The following ZBTB26 variants were observed in gnomAD, a reference collection of about 807,000 sequenced individuals.
ZBTB26 encodes the protein zinc finger and BTB domain containing 26.
Under a neutral mutation model 31.6 loss-of-function variants are expected in ZBTB26, and 12 were observed. The ratio of observed to expected loss-of-function variants is 0.38; its 90% CI spans 0.24 to 0.61. The LOEUF (loss-of-function observed/expected upper bound fraction) is 0.61, where lower values mean the gene tolerates loss of function less well. Among genes scored for constraint, ZBTB26 ranks in the 20% least tolerant of loss-of-function variants. The pLI, the probability that ZBTB26 is intolerant of heterozygous loss-of-function variation, is 0.60. For missense variants in ZBTB26, 311 were observed against 521.9 expected (o/e 0.60, Z 3.94); for synonymous variants, 155 against 182.9 (o/e 0.85, Z 1.23).
intron 1 of ZBTB26, among the ~76,000 whole-genome samples, chr9:122,927,172 T>C (rs1006849893): frequency 6.6e-5 from 10 of 152,222 alleles, no homozygotes; most frequent in Non-Finnish European, 1.5e-4. Flanking sequence ...TACTGTTGAG[T>C]TTCTATTAGC....
chr9:122,918,731 A>G lies in ZBTB26; in HGVS notation c.1204T>C (p.Cys402Arg), dbSNP rs772582747. The G allele has an allele frequency of 3.1e-6, 5 of 1,614,090 alleles. No homozygotes were observed. The highest frequency in any genetic ancestry group is 4.2e-6 in the Non-Finnish European group (5 of 1,180,032). Reference sequence around the variant, plus strand: ...CCTTTAGAGTCTGTGACTGTTGTACATGCAAAAGAATCAAAATCCACTGTG... The same window carrying G: ...CCTTTAGAGTCTGTGACTGTTGTACGTGCAAAAGAATCAAAATCCACTGTG... ...DLTVDFDSFA[C>R]TTVTDSKGCQ... The change falls in exon 2 of 2, where the codon TGT becomes CGT. Residue 402 changes from cysteine to arginine, a missense_variant. Physicochemically the swap from Cys to Arg is radical, Grantham distance 180. Coordinates refer to ENST00000373656, the MANE Select transcript of ZBTB26 (RefSeq NM_020924.4).
Position 122,918,796 on chromosome 9 carries a change from T to C in ZBTB26, c.1139A>G (p.Asn380Ser). The C allele has an allele frequency of 1.9e-6, 3 of 1,614,178 alleles. No homozygotes were observed. The highest frequency in any genetic ancestry group is 1.1e-5 in the South Asian group (1 of 91,086). Residue 380 changes from asparagine to serine, a missense_variant, in exon 2 of 2, where the codon AAC (asparagine) becomes AGC (serine). Coordinates refer to ENST00000373656, the MANE Select transcript of ZBTB26 (RefSeq NM_020924.4). ...TCTCTCATTGGCATTATCAAAGCTGTTTTTGCCATGCAGCTGTTTAAGGTG... is the reference window on the plus strand; with the variant it reads ...TCTCTCATTGGCATTATCAAAGCTGCTTTTGCCATGCAGCTGTTTAAGGTG... ...RKHLKQLHGKNSFDNANERNV... is the reference protein window; with the variant it reads ...RKHLKQLHGKSSFDNANERNV...
intron 1 of ZBTB26, chr9:122,931,037 C>G (rs990313072): frequency 3.3e-5 from 5 of 152,216 alleles, no homozygotes; most frequent in African/African-American, 1.2e-4. Context: ...GGGGAAAACC[C>G]CAGCAAAAGG....
chr9:122,928,948 T>C (rs890510442), intron 1 of ZBTB26, among the ~76,000 whole-genome samples: 2 of 152,132 alleles, frequency 1.3e-5, no homozygotes, highest in African/African-American at 4.8e-5. Flanking sequence ...ACAACAATAA[T>C]ATGGATGGAG....
At position 122,916,443 on chromosome 9, in the gene ZBTB26, C is replaced by T. The variant is rs1377903958; in HGVS notation, c.*2166G>A. The T allele has an allele frequency of 6.6e-6, 1 of 152,160 alleles. No individual in the cohort carries two copies. Among genetic ancestry groups the T allele is most frequent in the Admixed American group, 6.5e-5 (1 of 15,276 alleles). The allele number at this position is 152,160 out of a possible 1,614,324, so 9.4% of individuals were successfully genotyped here. ...ACTGAATGAACCCAGAAATAGTCTC[C>T]AACCAAAGAGACCAATCTTATTTGA... On this transcript the variant is annotated 3_prime_UTR_variant, in exon 2 of 2. Transcript: ENST00000373656.
intron 1 of ZBTB26, among the ~76,000 whole-genome samples, chr9:122,921,453 GAC>G (rs1265492970): frequency 3.9e-5 from 6 of 152,312 alleles, no homozygotes; most frequent in Admixed American, 6.5e-5. Context: ...AGTCAGATGA[GAC>G]AACCAGCTTC....
chr9:122,922,775 G>A (rs1048029836), intron 1 of ZBTB26, among the ~76,000 whole-genome samples: 1 of 152,176 alleles, frequency 6.6e-6, no homozygotes, highest in Admixed American at 6.5e-5. Context: ...GGAATAAGAC[G>A]AAAGGAAAAA....
At chr9:122,924,158 T>G (rs902092038) in intron 1 of ZBTB26, among the ~76,000 whole-genome samples, 4 of 152,238 alleles carry the variant, frequency 2.6e-5, no homozygotes, top group Admixed American at 6.5e-5. Context: ...TATCCATCAG[T>G]TCTCAAGAAA....
At chr9:122,926,525 A>T (rs926619312) in intron 1 of ZBTB26, among the ~76,000 whole-genome samples, 2 of 152,006 alleles carry the variant, frequency 1.3e-5, no homozygotes, top group African/African-American at 4.8e-5. Context: ...AAAAAAAAAA[A>T]ATTGTGTAAC....
intron 1 of ZBTB26, among the ~76,000 whole-genome samples, chr9:122,925,765 ATTTTTTTT>A (rs59850053): frequency 9.6e-6 from 1 of 103,946 alleles, no homozygotes; most frequent in Non-Finnish European, 1.8e-5. Flanking sequence ...TGCCCAGCTA[ATTTTTTTT>A]TTTTTTTTTT....
At chr9:122,926,520 A>T (rs939109116) in intron 1 of ZBTB26, among the ~76,000 whole-genome samples, 21 of 150,400 alleles carry the variant, frequency 1.4e-4, no homozygotes, top group African/African-American at 5.2e-4. Context: ...AAAAAAAAAA[A>T]AAAAAATTGT....
chr9:122,917,752 T>G lies in ZBTB26; in HGVS notation c.*857A>C, dbSNP rs1833033699. On this transcript the variant is annotated 3_prime_UTR_variant, in exon 2 of 2. Transcript: ENST00000373656. ...TCAGAGACTCCCAAATAGCCTCTTT[T>G]TAGAGAGCCCACTATACTTTAGCAC... The G allele has an allele frequency of 6.6e-6, 1 of 152,206 alleles. No individual in the cohort carries two copies. The highest frequency in any genetic ancestry group is 2.1e-4 in the South Asian group (1 of 4,830). The allele number at this position is 152,206 out of a possible 1,614,324, so 9.4% of individuals were successfully genotyped here.
intron 1 of ZBTB26, among the ~76,000 whole-genome samples, chr9:122,928,642 C>A (rs1833220984): frequency 6.6e-6 from 1 of 152,066 alleles, no homozygotes; most frequent in Non-Finnish European, 1.5e-5. Flanking sequence ...TTTCAAAAAG[C>A]CTGTCTTCTG....
At chr9:122,923,722 A>T in intron 1 of ZBTB26, among the ~76,000 whole-genome samples, 1 of 152,218 alleles carries the variant, frequency 6.6e-6, no homozygotes, top group East Asian at 1.9e-4. Context: ...CTATATTATG[A>T]CAGTACTCAC....
In ZBTB26 at chr9:122,917,723, A is replaced by G. The variant is rs1353019743; in HGVS notation, c.*886T>C. ...TTTCTGATGGCTAAACTCTGAAACA[A>G]AATTCAGAGACTCCCAAATAGCCTC... On this transcript the variant is annotated 3_prime_UTR_variant, in exon 2 of 2. Transcript: ENST00000373656. The G allele has an allele frequency of 6.6e-6, 1 of 152,230 alleles. No homozygotes were observed. The highest frequency in any genetic ancestry group is 1.5e-5 in the Non-Finnish European group (1 of 68,046). 9.4% of individuals were successfully genotyped at this position (152,230 alleles called of 1,614,324 possible). A position where few individuals can be genotyped will look rare whatever the true frequency, so the allele number is the denominator to read the frequency against.
At chr9:122,924,598 A>T (rs191698082) in intron 1 of ZBTB26, among the ~76,000 whole-genome samples, 1 of 148,662 alleles carries the variant, frequency 6.7e-6, no homozygotes, top group African/African-American at 2.5e-5. Context: ...TTTTGGCAAT[A>T]TAAAACCAAA....
intron 1 of ZBTB26, among the ~76,000 whole-genome samples, chr9:122,926,703 C>G (rs1833187417): frequency 6.6e-6 from 1 of 152,178 alleles, no homozygotes; most frequent in South Asian, 2.1e-4. Flanking sequence ...AATTAGAAGA[C>G]TTAAATGGCA....
chr9:122,920,860 A>C (rs1833087142), intron 1 of ZBTB26, among the ~76,000 whole-genome samples: 1 of 152,178 alleles, frequency 6.6e-6, no homozygotes, highest in Admixed American at 6.5e-5. Flanking sequence ...CATTATGTGG[A>C]CTACTAGAAC....
intron 1 of ZBTB26, among the ~76,000 whole-genome samples, chr9:122,930,387 C>A (rs1564338236): frequency 6.6e-6 from 1 of 152,184 alleles, no homozygotes; most frequent in Admixed American, 6.5e-5. Context: ...GTCTCCTTAC[C>A]AATGACACCA....
Sources: allele counts gnomAD v4.1 joint callset (sites outside exome capture counted in the v4.1 genomes callset), GRCh38; gene constraint gnomAD v4.1.1; transcripts MANE v1.5; gene names NCBI Gene and HGNC (gene_info 2026-07-23, HGNC 2026-07-21).